Variants in AGMO observed in about 807,000 individuals in gnomAD.
The protein encoded by AGMO is glyceryl-ether monooxygenase.
A neutral mutation model predicts 60.2 loss-of-function variants in AGMO; 75 were observed. The observed-to-expected ratio is 1.25, with a 90% CI of 1.03 to 1.51. The LOEUF (loss-of-function observed/expected upper bound fraction) is 1.51. Among genes scored for constraint, AGMO ranks in the 40% most tolerant of loss-of-function variants. The probability of loss-of-function intolerance (pLI) is 0.00; values close to 1 mark genes in which losing one functional copy is unlikely to be tolerated. For missense variants in AGMO, 763 were observed against 525.5 expected (o/e 1.45, Z -4.42); for synonymous variants, 261 against 177.1 (o/e 1.47, Z -3.76).
At chr7:15,475,676 T>A (rs1486593734) in intron 3 of AGMO, among the ~76,000 whole-genome samples, 1 of 151,910 alleles carries the variant, frequency 6.6e-6, no homozygotes, top group East Asian at 1.9e-4. Context: ...TCCCAGAACT[T>A]AAAGTATAAT....
At chr7:15,349,573 G>GA (rs918875034) in intron 12 of AGMO, among the ~76,000 whole-genome samples, 1 of 151,994 alleles carries the variant, frequency 6.6e-6, no homozygotes, top group African/African-American at 2.4e-5. Flanking sequence ...CAGGTTCCTA[G>GA]AAATCCTATT....
intron 12 of AGMO, among the ~76,000 whole-genome samples, chr7:15,232,544 T>G (rs1047324333): frequency 6.6e-6 from 1 of 152,100 alleles, no homozygotes; most frequent in African/African-American, 2.4e-5. Flanking sequence ...GAAGAGCTGG[T>G]AGTGATCAGT....
At chr7:15,241,459 C>CAACAAAA (rs1397699834) in intron 12 of AGMO, among the ~76,000 whole-genome samples, 1 of 51,360 alleles carries the variant, frequency 1.9e-5, no homozygotes, top group Non-Finnish European at 3.7e-5. Context: ...GACTCCGTCT[C>CAACAAAA]AAAAAAAAAA....
the AGMO span, among the ~76,000 whole-genome samples, chr7:15,151,994 T>C: frequency 5.3e-5 from 8 of 152,184 alleles, no homozygotes; most frequent in African/African-American, 1.9e-4. Context: ...GGAGCTGAAA[T>C]ATCCCAAATA....
chr7:15,365,989 A>G (rs1460824721), intron 11 of AGMO, 151 bp downstream of exon 11: 4 of 578,512 alleles, frequency 6.9e-6, no homozygotes, highest in Non-Finnish European at 1.2e-5. Context: ...GATATAGTTA[A>G]CTTCTCTAAA....
chr7:15,405,097 A>C (rs1413115060), intron 5 of AGMO, among the ~76,000 whole-genome samples: 2 of 151,882 alleles, frequency 1.3e-5, no homozygotes, highest in Admixed American at 1.3e-4. Context: ...AAGCTATCTT[A>C]CTAAAGCATA....
chr7:15,161,497 CACAT>C, the AGMO span, among the ~76,000 whole-genome samples: 1 of 150,278 alleles, frequency 6.7e-6, no homozygotes, highest in African/African-American at 2.4e-5. Flanking sequence ...TATAAATACA[CACAT>C]ATGTCATATA....
intron 12 of AGMO, among the ~76,000 whole-genome samples, chr7:15,295,666 G>C (rs1030337759): frequency 6.6e-6 from 1 of 152,038 alleles, no homozygotes; most frequent in African/African-American, 2.4e-5. Context: ...TATCATTCAT[G>C]AAAATGTATA....
At chr7:15,217,415 C>G (rs1781773808) in intron 12 of AGMO, among the ~76,000 whole-genome samples, 1 of 151,896 alleles carries the variant, frequency 6.6e-6, no homozygotes, top group Non-Finnish European at 1.5e-5. Context: ...ACAAAGACAT[C>G]TTGAGAGAGA....
At chr7:15,376,253 G>C (rs910281343) in intron 10 of AGMO, among the ~76,000 whole-genome samples, 5 of 151,754 alleles carry the variant, frequency 3.3e-5, no homozygotes, top group African/African-American at 1.2e-4. Flanking sequence ...AATCCCAAGG[G>C]GATAGACTAG....
At chr7:15,240,969 CTAT>C (rs1782571223) in intron 12 of AGMO, among the ~76,000 whole-genome samples, 1 of 152,120 alleles carries the variant, frequency 6.6e-6, no homozygotes, top group Admixed American at 6.5e-5. Flanking sequence ...CTTTCTCCAT[CTAT>C]TAAACACATT....
chr7:15,309,627 T>G (rs1780711230), intron 12 of AGMO, among the ~76,000 whole-genome samples: 2 of 152,152 alleles, frequency 1.3e-5, no homozygotes. Context: ...TTCTATATAA[T>G]GTAGTAATAT....
chr7:15,390,398 T>C (rs1784086892), intron 8 of AGMO, among the ~76,000 whole-genome samples: 1 of 152,216 alleles, frequency 6.6e-6, no homozygotes, highest in East Asian at 1.9e-4. Flanking sequence ...ATATTTCAGG[T>C]CCATTCTGAG....
chr7:15,260,568 G>T (rs558748854), intron 12 of AGMO, among the ~76,000 whole-genome samples: 1 of 152,124 alleles, frequency 6.6e-6, no homozygotes, highest in East Asian at 1.9e-4. Flanking sequence ...CAATAATAGT[G>T]GGGGACTTTA....
At chr7:15,475,966 G>A (rs978088096) in intron 3 of AGMO, among the ~76,000 whole-genome samples, 5 of 152,142 alleles carry the variant, frequency 3.3e-5, no homozygotes, top group South Asian at 4.1e-4. Context: ...AAATCATGAC[G>A]TAATAGAGCA....
chr7:15,525,260 CA>C (rs2128537747), intron 3 of AGMO, among the ~76,000 whole-genome samples: 1 of 152,214 alleles, frequency 6.6e-6, no homozygotes, highest in East Asian at 1.9e-4. Context: ...ACCCGACTTT[CA>C]AACCAAAGAC....
chr7:15,166,456 G>C, the AGMO span, among the ~76,000 whole-genome samples: 1 of 152,132 alleles, frequency 6.6e-6, no homozygotes, highest in African/African-American at 2.4e-5. Flanking sequence ...GAGGAAGAAG[G>C]CATCCATCAT....
chr7:15,352,664 A>G (rs895459742), intron 12 of AGMO, among the ~76,000 whole-genome samples: 2 of 151,904 alleles, frequency 1.3e-5, no homozygotes, highest in African/African-American at 4.8e-5. Flanking sequence ...GCTTACAGGC[A>G]ACAGCAAGCC....
chr7:15,389,568 A>G (rs2128484693), intron 8 of AGMO, among the ~76,000 whole-genome samples: 1 of 152,302 alleles, frequency 6.6e-6, no homozygotes, highest in East Asian at 1.9e-4. Flanking sequence ...GGAGATAAAA[A>G]TGCCTTTCAC....
Sources: allele counts gnomAD v4.1 joint callset (sites outside exome capture counted in the v4.1 genomes callset), GRCh38; gene constraint gnomAD v4.1.1; transcripts MANE v1.5; gene names NCBI Gene and HGNC (gene_info 2026-07-23, HGNC 2026-07-21).